The following CHAF1A variants were observed in gnomAD, a reference collection of about 807,000 sequenced individuals.
The protein encoded by CHAF1A is chromatin assembly factor 1 subunit A, also known as CAF-1 subunit A.
Under a neutral mutation model 93.2 loss-of-function variants are expected in CHAF1A, and 5 were observed. The observed-to-expected ratio is 0.05, with a 90% confidence interval of 0.03 to 0.11. CHAF1A has a LOEUF of 0.11. CHAF1A is among the 10% of genes least tolerant of loss of function. The pLI is 1.00. For missense variants in CHAF1A, 1,102 were observed against 1,259.9 expected (o/e 0.87, Z 1.90); for synonymous variants, 504 against 510.3 (o/e 0.99, Z 0.17).
At chr19:4,406,823 G>A (rs1772724135) in intron 2 of CHAF1A, among the ~76,000 whole-genome samples, 1 of 152,158 alleles carries the variant, frequency 6.6e-6, no homozygotes, top group South Asian at 2.1e-4. Context: ...TATTTGAGAG[G>A]CTGGGGTGGG....
intron 3 of CHAF1A, among the ~76,000 whole-genome samples, chr19:4,415,460 C>A (rs1973881513): frequency 6.6e-6 from 1 of 152,162 alleles, no homozygotes; most frequent in South Asian, 2.1e-4. Flanking sequence ...TTCCCCGCCA[C>A]CCCAAGACCA....
In CHAF1A at chr19:4,409,150, T is replaced by C. The variant is rs1325291802; in HGVS notation, c.351T>C (p.Ile117=). The change falls in exon 3 of 15, where the codon ATT becomes ATC. Residue 117 remains isoleucine, a synonymous_variant. Coordinates refer to ENST00000301280, the MANE Select transcript of CHAF1A (RefSeq NM_005483.3). ...ETSIGQSTVI[I]DLTEDSNEQP... is the part of the protein sequence containing the mutation. ...GTATTGGCCAGAGCACAGTCATCAT[T>C]GATTTGACAGAGGACTCGAATGAGC... The C allele has an allele frequency of 2.5e-6, 4 of 1,614,168 alleles. No homozygotes were observed. Among genetic ancestry groups the C allele is most frequent in the African/African-American group, 2.7e-5 (2 of 75,028 alleles).
Position 4,431,929 on chromosome 19 carries a change from ACTT to A in CHAF1A, c.1948-20_1948-18del, listed in dbSNP as rs773009219. ...ATAGGGGAGCAAGAACCCCAAATAAACTTCTGCTTTCTAAACCACAAGGAGTGT... is the reference window on the plus strand; with the variant it reads ...ATAGGGGAGCAAGAACCCCAAATAAACTGCTTTCTAAACCACAAGGAGTGT... On this transcript the variant is annotated intron_variant, in intron 11 of 14. Transcript: ENST00000301280. The A allele has an allele frequency of 2.0e-4, 317 of 1,581,128 alleles. 1 individual carries two copies. Among genetic ancestry groups the A allele is most frequent in the Non-Finnish European group, 2.7e-4 (310 of 1,158,910 alleles).
intron 13 of CHAF1A, among the ~76,000 whole-genome samples, chr19:4,440,267 G>T (rs78578408): frequency 6.6e-6 from 1 of 152,050 alleles, no homozygotes; most frequent in Non-Finnish European, 1.5e-5. Context: ...TGGCCTCTAC[G>T]CATCCTGTCT....
downstream of CHAF1A, chr19:4,448,160 C>G (rs1974577401): frequency 6.1e-6 from 4 of 659,090 alleles, no homozygotes; most frequent in South Asian, 7.4e-5. Flanking sequence ...AGCCCTTTGC[C>G]TGAGGCCTCT....
chr19:4,445,257 T>G, downstream of CHAF1A: 5 of 531,372 alleles, frequency 9.4e-6, no homozygotes, highest in Non-Finnish European at 3.3e-6. Context: ...AGGGAGGGCT[T>G]AGATTTGTTG....
At chr19:4,406,675 C>A (rs1382579707) in intron 2 of CHAF1A, among the ~76,000 whole-genome samples, 1 of 152,076 alleles carries the variant, frequency 6.6e-6, no homozygotes, top group Non-Finnish European at 1.5e-5. Flanking sequence ...CCTTGTGATC[C>A]CCCTGCCTCA....
Position 4,422,942 on chromosome 19 carries a change from G to T in CHAF1A, c.1247+147G>T. On this transcript the variant is annotated intron_variant, in intron 5 of 14. Transcript: ENST00000301280. The surrounding 1 kb of genome is among the most constrained non-coding windows in gnomAD (Gnocchi z 4.6). ...TTCTCCTTCGTGAGGTGCCCGTGGG[G>T]CCCTGACGTGGGAGCGGTGGAAAGC... 1.3e-6 allele frequency: 1 copy of T among 795,162 alleles called. No homozygotes were observed. The highest frequency in any genetic ancestry group is 1.7e-5 in the African/African-American group (1 of 57,274). The allele number at this position is 795,162 out of a possible 1,614,324, so 49.3% of individuals were successfully genotyped here.
In CHAF1A at chr19:4,429,644, C is replaced by T. The variant is rs553131950; in HGVS notation, c.1773+38C>T. 3.7e-6 allele frequency: 6 copies of T among 1,614,088 alleles called. No homozygotes were observed. In the South Asian group the frequency reaches 4.4e-5, roughly 12 times the overall value. On this transcript the variant is annotated intron_variant, in intron 9 of 14. Coordinates refer to ENST00000301280, the MANE Select transcript of CHAF1A (RefSeq NM_005483.3). ...CAGAGTGCCTCCGTCCCCGTACCTC[C>T]TCACTGTGCCCCTTTCCTCCAGCCC...
chr19:4,447,106 C>T, downstream of CHAF1A: 1 of 620,586 alleles, frequency 1.6e-6, no homozygotes, highest in Admixed American at 2.9e-5. Context: ...GCTGTGGAGT[C>T]TCCAACAGCT....
chr19:4,434,366 G>A (rs890267516), intron 13 of CHAF1A, among the ~76,000 whole-genome samples: 1 of 152,084 alleles, frequency 6.6e-6, no homozygotes, highest in Non-Finnish European at 1.5e-5. Context: ...TACATAAAAC[G>A]CACCTTCGTT....
At chr19:4,438,358 T>G (rs531562955) in intron 13 of CHAF1A, among the ~76,000 whole-genome samples, 1 of 151,840 alleles carries the variant, frequency 6.6e-6, no homozygotes, top group Admixed American at 6.6e-5. Flanking sequence ...GAGGTTTTTT[T>G]GTTTTGTTTT....
At position 4,422,991 on chromosome 19, in the gene CHAF1A, C is replaced by T. The variant is rs182258013; in HGVS notation, c.1247+196C>T. 2.6e-5 allele frequency among the ~76,000 whole-genome samples: 4 copies of T among 152,334 alleles called. No individual in the cohort carries two copies. The highest frequency in any genetic ancestry group is 2.0e-4 in the Admixed American group (3 of 15,298). ...GCAGCTCCCTGCTCTTTAGTGCTCCCCCACGTCCAACTCACCCTGGACCCC... is the reference window on the plus strand; with the variant it reads ...GCAGCTCCCTGCTCTTTAGTGCTCCTCCACGTCCAACTCACCCTGGACCCC... On this transcript the variant is annotated intron_variant, in intron 5 of 14. Coordinates refer to ENST00000301280, the MANE Select transcript of CHAF1A (RefSeq NM_005483.3). The surrounding 1 kb of genome is among the most constrained non-coding windows in gnomAD (Gnocchi z 4.6).
chr19:4,418,173 C>A, intron 4 of CHAF1A, 97 bp downstream of exon 4: 1 of 764,988 alleles, frequency 1.3e-6, no homozygotes, highest in Non-Finnish European at 2.1e-6. Flanking sequence ...CTAGTTTTTA[C>A]ATTTTCCCCA....
Position 4,408,758 on chromosome 19 carries a change from G to A in CHAF1A, c.104-145G>A, listed in dbSNP as rs558388185. On this transcript the variant is annotated intron_variant, in intron 2 of 14. Coordinates refer to ENST00000301280, the MANE Select transcript of CHAF1A (RefSeq NM_005483.3). Reference sequence around the variant, plus strand: ...CAAAGTGCTGGGATTACAGGCATGAGCCACCACACCCGGCCCAGATAGTCC... The same window carrying A: ...CAAAGTGCTGGGATTACAGGCATGAACCACCACACCCGGCCCAGATAGTCC... 1.0e-4 allele frequency: 108 copies of A among 1,040,056 alleles called. 1 individual carries two copies. In the East Asian group the frequency reaches 2.2e-3, roughly 21 times the overall value. The allele number at this position is 1,040,056 out of a possible 1,614,324, so 64.4% of individuals were successfully genotyped here. A position where few individuals can be genotyped will look rare whatever the true frequency, so the allele number is the denominator to read the frequency against.
intron 3 of CHAF1A, among the ~76,000 whole-genome samples, chr19:4,410,370 CTA>C (rs1404263805): frequency 6.8e-6 from 1 of 147,478 alleles, no homozygotes; most frequent in Non-Finnish European, 1.5e-5. Flanking sequence ...GACACCATCT[CTA>C]TGAAAAAAAA....
At chr19:4,405,997 T>C in intron 2 of CHAF1A, 35 bp downstream of exon 2, 1 of 1,537,606 alleles carries the variant, frequency 6.5e-7, no homozygotes, top group Non-Finnish European at 9.0e-7. Context: ...GAGTTGTTCG[T>C]AGTTTATAGT....
In CHAF1A at chr19:4,409,300, C is replaced by G; in HGVS notation, c.501C>G (p.Asp167Glu). Residue 167 changes from aspartate (D) to glutamate (E), a missense_variant, in exon 3 of 15, where the codon GAC becomes GAG. Coordinates refer to ENST00000301280, the MANE Select transcript of CHAF1A (RefSeq NM_005483.3). ...QQGLLKAIQN[D>E]KLAFPGETLS... Reference sequence around the variant, plus strand: ...GGTTGTTGAAGGCCATTCAGAACGACAAGTTGGCATTTCCTGGAGAGACCC... The same window carrying G: ...GGTTGTTGAAGGCCATTCAGAACGAGAAGTTGGCATTTCCTGGAGAGACCC... 1 of 1,614,122 alleles carries G rather than the reference C, an allele frequency of 6.2e-7. No individual in the cohort carries two copies. The highest frequency in any genetic ancestry group is 1.1e-5 in the South Asian group (1 of 91,076).
At chr19:4,414,545 T>C (rs531774979) in intron 3 of CHAF1A, among the ~76,000 whole-genome samples, 1 of 152,320 alleles carries the variant, frequency 6.6e-6, no homozygotes, top group East Asian at 1.9e-4. Flanking sequence ...CCCAGTATCA[T>C]TTTGTTTCCT....
Sources: allele counts gnomAD v4.1 joint callset (sites outside exome capture counted in the v4.1 genomes callset), GRCh38; gene constraint gnomAD v4.1.1; non-coding constraint Gnocchi (gnomAD v3.1); transcripts MANE v1.5; gene names NCBI Gene and HGNC (gene_info 2026-07-23, HGNC 2026-07-21).